Variants in CPT2 observed in about 807,000 individuals in gnomAD.
CPT2 encodes the protein carnitine palmitoyltransferase 2, also known as carnitine O-palmitoyltransferase 2, mitochondrial.
CPT2 carries 37 observed loss-of-function variants against 48.6 expected under a neutral mutation model. The ratio of observed to expected loss-of-function variants is 0.76; its 90% CI spans 0.59 to 1.00. The LOEUF is 1.00. Ranked by LOEUF, CPT2 falls within the 50% of genes least tolerant of loss-of-function variation. CPT2 has a pLI of 0.00. For missense variants in CPT2, 772 were observed against 825.6 expected (o/e 0.94, Z 0.80); for synonymous variants, 319 against 326.9 (o/e 0.98, Z 0.26).
chr1:53,207,023 G>T lies in CPT2; in HGVS notation c.341-2992G>T, dbSNP rs1339192263. 3.9e-5 allele frequency among the ~76,000 whole-genome samples: 6 copies of T among 152,172 alleles called. No homozygotes were observed. In the East Asian group the frequency reaches 1.2e-3, roughly 29 times the overall value. On this transcript the variant is annotated intron_variant, in intron 3 of 4. Coordinates refer to ENST00000371486, the MANE Select transcript of CPT2 (RefSeq NM_000098.3). The stretch of plus-strand genomic sequence containing the variant: ...TAGTGGGAGGTGATTGGATCATGGG[G>T]TAGTTTCCCCCATGCTTTTCTTGTG...
intron 4 of CPT2, 110 bp from the exon 5 acceptor site, chr1:53,213,154 C>T (rs1483661865): frequency 2.9e-6 from 3 of 1,025,414 alleles, no homozygotes; most frequent in Middle Eastern, 2.4e-4. Flanking sequence ...GAGCCTTCCC[C>T]CACTCTCAAG....
chr1:53,196,868 C>G lies in CPT2; in HGVS notation c.-76C>G, dbSNP rs547411632. On this transcript the variant is annotated 5_prime_UTR_variant, in exon 1 of 5. Coordinates refer to ENST00000371486, the MANE Select transcript of CPT2 (RefSeq NM_000098.3). ...CCTGACGCAGTGTCTTGGGCGCTAA[C>G]GGCGGCGGCGGCCTTGTGTTTAGAC... 6.7e-7 allele frequency: 1 copy of G among 1,501,322 alleles called. No individual in the cohort carries two copies. Among genetic ancestry groups the G allele is most frequent in the Non-Finnish European group, 8.9e-7 (1 of 1,122,354 alleles). 93.0% of individuals were successfully genotyped at this position (1,501,322 alleles called of 1,614,324 possible). A position where few individuals can be genotyped will look rare whatever the true frequency, so the allele number is the denominator to read the frequency against.
At position 53,211,032 on chromosome 1, in the gene CPT2, A is replaced by G. The variant is rs1645423052; in HGVS notation, c.1358A>G (p.Lys453Arg). Residue 453 changes from lysine (K) to arginine (R), a missense_variant, in exon 4 of 5, where the codon AAA (lysine) becomes AGA (arginine). By Grantham distance (26) the Lys-to-Arg change is conservative. Transcript: ENST00000371486. ...IDCVQFQRGG[K>R]EFLKKQKLSP... The stretch of plus-strand genomic sequence containing the variant: ...TGCGTCCAGTTTCAGAGAGGAGGCA[A>G]AGAATTCCTGAAGAAGCAAAAGCTG... 10 of 1,614,210 alleles carry G rather than the reference A, an allele frequency of 6.2e-6. No homozygotes were observed. Among genetic ancestry groups the G allele is most frequent in the Non-Finnish European group, 8.5e-6 (10 of 1,180,038 alleles).
In CPT2 at chr1:53,199,448, C is replaced by G. The variant is rs555532325; in HGVS notation, c.153-1271C>G. 3.9e-5 allele frequency among the ~76,000 whole-genome samples: 6 copies of G among 152,302 alleles called. No individual in the cohort carries two copies. In the South Asian group the frequency reaches 1.2e-3, roughly 32 times the overall value. On this transcript the variant is annotated intron_variant, in intron 1 of 4. Transcript: ENST00000371486. ...CGAGCAATCTGCCTGCCTCGGCCTC[C>G]CAAAGTGCTGGGATTACAGGTGTGA...
intron 4 of CPT2, 178 bp from the exon 5 acceptor site, chr1:53,213,086 A>T: frequency 1.6e-6 from 1 of 627,596 alleles, no homozygotes; most frequent in Non-Finnish European, 2.8e-6. Flanking sequence ...AAATAATTTA[A>T]AATAATCTAG....
intron 1 of CPT2, 92 bp downstream of exon 1, chr1:53,197,187 C>A: frequency 6.8e-7 from 1 of 1,461,508 alleles, no homozygotes; most frequent in South Asian, 1.2e-5. Flanking sequence ...CTAGTGAACC[C>A]GTTTCCGCCC....
intron 4 of CPT2, chr1:53,211,589 C>CTTTTT (rs1403219867): frequency 2.2e-6 from 1 of 453,068 alleles, no homozygotes. Flanking sequence ...CGCATTAATT[C>CTTTTT]TTTTTTCTTT....
Position 53,197,017 on chromosome 1 carries a change from T to A in CPT2, c.74T>A (p.Leu25His). The change falls in exon 1 of 5, where the codon CTC becomes CAC. Residue 25 changes from leucine to histidine, a missense_variant. Transcript: ENST00000371486. The stretch of plus-strand genomic sequence containing the variant: ...GGTCCGGGAGCCCCCAGTCGGCCCC[T>A]CAGCGCCGGCTCCGGGCCCGGCCAG... Reference protein sequence around the residue: ...AVGPGAPSRPLSAGSGPGQYL... With the variant: ...AVGPGAPSRPHSAGSGPGQYL... The A allele has an allele frequency of 6.5e-7, 1 of 1,535,322 alleles. No individual in the cohort carries two copies. The highest frequency in any genetic ancestry group is 1.7e-4 in the Middle Eastern group (1 of 5,760).
chr1:53,201,051 T>G, intron 2 of CPT2: 1 of 516,386 alleles, frequency 1.9e-6, no homozygotes. Context: ...TACTTTCCCT[T>G]AGCAGGTGTA....
chr1:53,200,914 C>A, intron 2 of CPT2, 115 bp downstream of exon 2: 1 of 821,008 alleles, frequency 1.2e-6, no homozygotes, highest in East Asian at 2.5e-5. Context: ...TCCAGGAACC[C>A]AGAACCTAGT....
chr1:53,202,299 TTTGTC>T lies in CPT2; in HGVS notation c.234-21_234-17del. 1.3e-6 allele frequency: 2 copies of T among 1,584,892 alleles called. No individual in the cohort carries two copies. Among genetic ancestry groups the T allele is most frequent in the Admixed American group, 1.7e-5 (1 of 59,982 alleles). Reference sequence around the variant, plus strand: ...CATGTATTCCCTACCATGGTTTGATTTTGTCTTTTCTTGAATGTTTTAGGAAAACA... The same window carrying T: ...CATGTATTCCCTACCATGGTTTGATTTTTTCTTGAATGTTTTAGGAAAACA... On this transcript the variant is annotated intron_variant, in intron 2 of 4. Coordinates refer to ENST00000371486, the MANE Select transcript of CPT2 (RefSeq NM_000098.3).
At chr1:53,202,555 A>C in intron 3 of CPT2, 126 bp downstream of exon 3, 1 of 766,840 alleles carries the variant, frequency 1.3e-6, no homozygotes, top group Non-Finnish European at 2.3e-6. Flanking sequence ...GTAACGTCTC[A>C]TCCTCCCTTC....
intron 3 of CPT2, chr1:53,208,655 C>T (rs1470723840): frequency 1.3e-5 from 2 of 152,090 alleles, no homozygotes; most frequent in African/African-American, 4.8e-5. Flanking sequence ...TGATTGTTGC[C>T]CCTGAAAGGA....
chr1:53,200,730 C>G lies in CPT2; in HGVS notation c.164C>G (p.Pro55Arg), dbSNP rs2100259793. 4.3e-6 allele frequency: 7 copies of G among 1,613,870 alleles called. No homozygotes were observed. The highest frequency in any genetic ancestry group is 5.9e-6 in the Non-Finnish European group (7 of 1,179,836). The change falls in exon 2 of 5, where the codon CCC becomes CGC. Residue 55 changes from proline to arginine, a missense_variant. Pro to Arg is a moderately radical substitution (Grantham distance 103). Coordinates refer to ENST00000371486, the MANE Select transcript of CPT2 (RefSeq NM_000098.3). ...YQDSLPRLPIPKLEDTIRRYL... is the reference protein window; with the variant it reads ...YQDSLPRLPIRKLEDTIRRYL... ...TGCTTTCTCCCCAGGCTGCCTATTC[C>G]CAAACTTGAAGACACCATTAGGAGA...
intron 4 of CPT2, 27 bp from the exon 5 acceptor site, chr1:53,213,237 T>A (rs1156564352): frequency 6.2e-7 from 1 of 1,613,014 alleles, no homozygotes; most frequent in East Asian, 2.2e-5. Flanking sequence ...ATCCTGAGAC[T>A]CTGGTTTTCC....
In CPT2 at chr1:53,211,539, ATG is replaced by A. The variant is rs1645428268; in HGVS notation, c.1645+224_1645+225del. On this transcript the variant is annotated intron_variant, in intron 4 of 4. Transcript: ENST00000371486. ...CTCCTAAGCAGGGGTGGGGAAATGC[ATG>A]TGTCTTTGTCCTCATTTAAGGTCAC... 5.1e-6 allele frequency: 3 copies of A among 582,752 alleles called. No homozygotes were observed. The East Asian group carries it at 8.4e-5, about 16-fold the overall frequency. The allele number at this position is 582,752 out of a possible 1,614,324, so 36.1% of individuals were successfully genotyped here. A position where few individuals can be genotyped will look rare whatever the true frequency, so the allele number is the denominator to read the frequency against.
chr1:53,211,478 A>G (rs1645427940), intron 4 of CPT2, 159 bp downstream of exon 4: 2 of 662,668 alleles, frequency 3.0e-6, no homozygotes, highest in South Asian at 1.8e-5. Flanking sequence ...CAGTCTGAAC[A>G]GCCACACTAG....
At chr1:53,203,090 C>G (rs150278375) in intron 3 of CPT2, 32 of 152,478 alleles carry the variant, frequency 2.1e-4, no homozygotes, top group African/African-American at 6.7e-4. Context: ...TTAGGAAAAA[C>G]AGCAACTTCC....
Position 53,214,112 on chromosome 1 carries a change from G to T in CPT2, c.*517G>T. 6.1e-6 allele frequency: 1 copy of T among 165,050 alleles called. No homozygotes were observed. Among genetic ancestry groups the T allele is most frequent in the South Asian group, 1.6e-4 (1 of 6,368 alleles). The allele number at this position is 165,050 out of a possible 1,614,324, so 10.2% of individuals were successfully genotyped here. A position where few individuals can be genotyped will look rare whatever the true frequency, so the allele number is the denominator to read the frequency against. On this transcript the variant is annotated 3_prime_UTR_variant, in exon 5 of 5. Transcript: ENST00000371486. Reference sequence around the variant, plus strand: ...GATAACAAGAGATTTAAGTTTTAAGGGCATTTAATCAGGAGGAAAGGTTTG... The same window carrying T: ...GATAACAAGAGATTTAAGTTTTAAGTGCATTTAATCAGGAGGAAAGGTTTG...
Sources: allele counts gnomAD v4.1 joint callset (sites outside exome capture counted in the v4.1 genomes callset), GRCh38; gene constraint gnomAD v4.1.1; transcripts MANE v1.5; gene names NCBI Gene and HGNC (gene_info 2026-07-23, HGNC 2026-07-21).